COL26A1: variants seen among roughly 807,000 people sequenced by gnomAD.
COL26A1 encodes collagen type XXVI alpha 1 chain, also known as collagen alpha-1(XXVI) chain.
In COL26A1, 41 loss-of-function variants were observed where a neutral mutation model predicts 59.3. That is an observed-to-expected ratio of 0.69 (90% confidence interval 0.54 to 0.90). The LOEUF (loss-of-function observed/expected upper bound fraction) is 0.90, where lower values mean the gene tolerates loss of function less well. COL26A1 is among the 40% of genes least tolerant of loss of function. COL26A1 has a pLI of 0.00. For synonymous variants in COL26A1, 266 were observed against 256.0 expected (o/e 1.04, Z -0.37); for missense variants, 612 against 602.3 (o/e 1.02, Z -0.17).
chr7:101,553,681 T>TC (rs1795907808), intron 11 of COL26A1, among the ~76,000 whole-genome samples: 1 of 152,032 alleles, frequency 6.6e-6, no homozygotes, highest in Admixed American at 6.5e-5. Context: ...AAAGACAGTC[T>TC]CCCTGGAGGA....
chr7:101,532,936 C>T, intron 3 of COL26A1, 146 bp from the exon 4 acceptor site: 1 of 656,574 alleles, frequency 1.5e-6, no homozygotes, highest in South Asian at 1.8e-5. Flanking sequence ...GAGGGTAAGG[C>T]TTTGAAGGAT....
At chr7:101,553,148 C>T (rs1795895011) in intron 10 of COL26A1, 178 bp from the exon 11 acceptor site, 4 of 558,718 alleles carry the variant, frequency 7.2e-6, no homozygotes, top group South Asian at 2.3e-5. Context: ...GCCCCGGAGC[C>T]GTGGCCTCCC....
chr7:101,440,928 G>A (rs1444063907), intron 2 of COL26A1, among the ~76,000 whole-genome samples: 1 of 150,284 alleles, frequency 6.7e-6, no homozygotes, highest in African/African-American at 2.4e-5. Context: ...AGTGAGCCAC[G>A]ATTGCGCCAC....
At chr7:101,378,835 C>T (rs922693398) in intron 1 of COL26A1, among the ~76,000 whole-genome samples, 1 of 152,014 alleles carries the variant, frequency 6.6e-6, no homozygotes, top group Non-Finnish European at 1.5e-5. Context: ...GAGGATGTCC[C>T]CTGCTTGGAG....
At chr7:101,486,425 G>C (rs1355391557) in intron 3 of COL26A1, among the ~76,000 whole-genome samples, 1 of 152,218 alleles carries the variant, frequency 6.6e-6, no homozygotes, top group Non-Finnish European at 1.5e-5. Context: ...GAGACATTGA[G>C]GACAGTGGGG....
intron 10 of COL26A1, among the ~76,000 whole-genome samples, chr7:101,552,810 G>A (rs1259174875): frequency 6.6e-6 from 1 of 152,222 alleles, no homozygotes; most frequent in South Asian, 2.1e-4. Context: ...AGGAGGCTGA[G>A]GCAGGAGAAT....
chr7:101,453,743 G>C (rs1793400565), intron 3 of COL26A1, among the ~76,000 whole-genome samples: 1 of 152,140 alleles, frequency 6.6e-6, no homozygotes, highest in South Asian at 2.1e-4. Context: ...CCCTTGTAAA[G>C]ATTTTACATT....
chr7:101,534,610 T>TAC (rs370780560), intron 4 of COL26A1, among the ~76,000 whole-genome samples: 46 of 151,226 alleles, frequency 3.0e-4, no homozygotes, highest in African/African-American at 8.5e-4. Context: ...CAGGCATACA[T>TAC]ACACACACAC....
At chr7:101,374,306 G>C (rs1383886425) in intron 1 of COL26A1, among the ~76,000 whole-genome samples, 2 of 152,134 alleles carry the variant, frequency 1.3e-5, no homozygotes, top group African/African-American at 4.8e-5. Flanking sequence ...CTGGCCCCCT[G>C]CATCTCCTTG....
chr7:101,385,286 ATGTGTGTGTATATACGG>A (rs1791542536), intron 1 of COL26A1, among the ~76,000 whole-genome samples: 3 of 149,856 alleles, frequency 2.0e-5, no homozygotes, highest in Non-Finnish European at 4.4e-5. Context: ...TATATATAGT[ATGTGTGTGTATATACGG>A]TGTGTGTGTA....
intron 3 of COL26A1, among the ~76,000 whole-genome samples, chr7:101,512,566 G>A (rs1334097774): frequency 6.6e-6 from 1 of 152,168 alleles, no homozygotes; most frequent in East Asian, 1.9e-4. Context: ...AGGCTGCAGT[G>A]AGCTATGATC....
chr7:101,379,376 C>T (rs989953397), intron 1 of COL26A1, among the ~76,000 whole-genome samples: 12 of 152,122 alleles, frequency 7.9e-5, no homozygotes, highest in Non-Finnish European at 1.3e-4. Context: ...ATCAGGGGCT[C>T]GGAGGGAGCC....
At chr7:101,469,709 C>T (rs1793848649) in intron 3 of COL26A1, among the ~76,000 whole-genome samples, 1 of 151,966 alleles carries the variant, frequency 6.6e-6, no homozygotes, top group Non-Finnish European at 1.5e-5. Context: ...AGGTTGGTCT[C>T]GAACTCCTGG....
rs1051977843 is a variant in COL26A1 at position 101,545,431 on chromosome 7, C to T, written c.797C>T (p.Pro266Leu). Residue 266 changes from proline (P) to leucine (L), a missense_variant, in exon 7 of 13, where the codon CCC (proline) becomes CTC (leucine). Pro to Leu is a moderately conservative substitution (Grantham distance 98). Transcript: ENST00000313669. Reference sequence around the variant, plus strand: ...CCCGGCCCAGCAGGCAACCCAGGCCCCTCACCAAACAGCCCCCAGGGCGCC... The same window carrying T: ...CCCGGCCCAGCAGGCAACCCAGGCCTCTCACCAAACAGCCCCCAGGGCGCC... ...GPPGPAGNPG[P>L]SPNSPQGALY... 1.9e-6 allele frequency: 3 copies of T among 1,608,424 alleles called. No homozygotes were observed. Among genetic ancestry groups the T allele is most frequent in the Non-Finnish European group, 2.5e-6 (3 of 1,178,002 alleles).
chr7:101,428,116 A>C (rs1792690029), intron 2 of COL26A1, among the ~76,000 whole-genome samples: 1 of 152,126 alleles, frequency 6.6e-6, no homozygotes, highest in African/African-American at 2.4e-5. Flanking sequence ...TGGGAGTTGG[A>C]GGTGTCAACT....
intron 2 of COL26A1, among the ~76,000 whole-genome samples, chr7:101,446,863 AAGAG>A (rs113417824): frequency 2.0e-4 from 30 of 151,248 alleles, no homozygotes; most frequent in Admixed American, 3.3e-4. Context: ...AAAAAAAAAA[AAGAG>A]AGAGAGAGAG....
At chr7:101,525,225 A>G (rs1419880897) in intron 3 of COL26A1, among the ~76,000 whole-genome samples, 1 of 117,878 alleles carries the variant, frequency 8.5e-6, no homozygotes, top group Non-Finnish European at 1.6e-5. Context: ...TCTGTCACCC[A>G]GGCTGGAATG....
At chr7:101,460,130 T>C (rs1260532121) in intron 3 of COL26A1, among the ~76,000 whole-genome samples, 1 of 152,108 alleles carries the variant, frequency 6.6e-6, no homozygotes, top group East Asian at 1.9e-4. Flanking sequence ...ATGAGCCGAG[T>C]GCATAGCACG....
Position 101,554,567 on chromosome 7 carries a change from T to TAAAAAAA in COL26A1, c.1081-1203_1081-1197dup, listed in dbSNP as rs57638079. ...GGAAACCTAGCGAGACCCCATTTCT[T>TAAAAAAA]AAAAAAAAAAAAAAAAAAAAAAAGT... On this transcript the variant is annotated intron_variant, in intron 11 of 12. Coordinates refer to ENST00000313669, the MANE Select transcript of COL26A1 (RefSeq NM_001278563.3). 4.2e-3 allele frequency among the ~76,000 whole-genome samples: 501 copies of TAAAAAAA among 120,406 alleles called. 3 individuals are homozygous for TAAAAAAA. The highest frequency in any genetic ancestry group is 9.2e-3 in the African/African-American group (294 of 31,866). The allele number at this position is 120,406 out of a possible 152,430, so 79.0% of individuals were successfully genotyped here.
Sources: gnomAD v4.1 joint callset for allele counts (sites outside exome capture counted in the v4.1 genomes callset) on GRCh38, gnomAD v4.1.1 for gene constraint, MANE v1.5 for transcripts, NCBI Gene and HGNC (gene_info 2026-07-23, HGNC 2026-07-21) for gene names.